TLCD1: variants seen among roughly 807,000 people sequenced by gnomAD.
The protein encoded by TLCD1 is TLC domain containing 1.
Under a neutral mutation model 21.2 loss-of-function variants are expected in TLCD1, and 21 were observed. That is an observed-to-expected ratio of 0.99 (90% CI 0.70 to 1.42). The LOEUF (loss-of-function observed/expected upper bound fraction) is 1.42. Ranked by LOEUF, TLCD1 falls within the 40% of genes most tolerant of loss-of-function variation. The probability of loss-of-function intolerance (pLI) is 0.00; values close to 1 mark genes in which losing one functional copy is unlikely to be tolerated. For synonymous variants in TLCD1, 168 were observed against 134.8 expected (o/e 1.25, Z -1.71); for missense variants, 344 against 330.3 (o/e 1.04, Z -0.32).
Position 28,724,551 on chromosome 17 carries a change from C to T in TLCD1, c.703G>A (p.Val235Ile), listed in dbSNP as rs761017803. 3.7e-6 allele frequency: 6 copies of T among 1,613,952 alleles called. No individual in the cohort carries two copies. In the African/African-American group the frequency reaches 5.3e-5, roughly 14 times the overall value. ...LLRSDFCPEH[V>I]PKKQHKDKFL... ...TTGTCTTTGTGTTGCTTCTTGGGGA[C>T]ATGCTCAGGGCAGAAGTCAGAGCGG... is the stretch of plus-strand genomic sequence containing the variant. Residue 235 changes from valine (V) to isoleucine (I), a missense_variant, in exon 4 of 4, where the codon GTC becomes ATC. By Grantham distance (29) the Val-to-Ile change is conservative (BLOSUM62 3). Coordinates refer to ENST00000292090, the MANE Select transcript of TLCD1 (RefSeq NM_138463.4).
chr17:28,726,290 C>A (rs1365869077), upstream of TLCD1: 2 of 1,150,130 alleles, frequency 1.7e-6, no homozygotes, highest in African/African-American at 3.3e-5. Flanking sequence ...CCCCAGCCGC[C>A]CGCGCCCCCG....
intron 1 of TLCD1, 88 bp from the exon 2 acceptor site, chr17:28,725,651 C>G: frequency 7.0e-7 from 1 of 1,431,518 alleles, no homozygotes; most frequent in Non-Finnish European, 9.8e-7. Flanking sequence ...CCGGGGGATC[C>G]TGGGCTCGCG....
Position 28,724,707 on chromosome 17 carries a change from G to A in TLCD1, c.547C>T (p.Arg183Cys), listed in dbSNP as rs200165093. ...GTGAGGTAGGCCTGAGGGGCCAGGC[G>A]GAAGAGAAAGTACATGACCAGGTTC... ...YVNLVMYFLF[R>C]LAPQAYLTHF... is the part of the protein sequence containing the mutation. Residue 183 changes from arginine (R) to cysteine (C), a missense_variant, in exon 4 of 4, where the codon CGC becomes TGC. By Grantham distance (180) the Arg-to-Cys change is radical. Transcript: ENST00000292090. 39 of 1,614,044 alleles carry A rather than the reference G, an allele frequency of 2.4e-5. No individual in the cohort carries two copies. The highest frequency in any genetic ancestry group is 5.5e-5 in the South Asian group (5 of 91,082).
chr17:28,726,489 C>T (rs1254683666), upstream of TLCD1, among the ~76,000 whole-genome samples: 1 of 152,026 alleles, frequency 6.6e-6, no homozygotes, highest in Non-Finnish European at 1.5e-5. Context: ...CCGACGGAGT[C>T]CCCGCTGCCC....
At chr17:28,726,542 G>A (rs1360873618), upstream of TLCD1, among the ~76,000 whole-genome samples, 1 of 151,838 alleles carries the variant, frequency 6.6e-6, no homozygotes, top group Non-Finnish European at 1.5e-5. Flanking sequence ...ACTTTTCCCC[G>A]GGCCACCGGC....
chr17:28,726,244 T>G, upstream of TLCD1: 8 of 1,288,308 alleles, frequency 6.2e-6, no homozygotes, highest in Non-Finnish European at 7.8e-6. Context: ...GCCCCTTGGC[T>G]CCTCCTCGCC....
In TLCD1 at chr17:28,724,748, C is replaced by G; in HGVS notation, c.506G>C (p.Arg169Pro). The change falls in exon 4 of 4, where the codon CGG (arginine) becomes CCG (proline). Residue 169 changes from arginine to proline, a missense_variant. Arg to Pro is a moderately radical substitution (Grantham distance 103). Coordinates refer to ENST00000292090, the MANE Select transcript of TLCD1 (RefSeq NM_138463.4). ...ISNAQDHLLY[R>P]VNKYVNLVMY... ...GACCAGGTTCACATACTTGTTAACCCGGTAGAGGAGATGATCCTGGGCATT... is the reference window on the plus strand; with the variant it reads ...GACCAGGTTCACATACTTGTTAACCGGGTAGAGGAGATGATCCTGGGCATT... 1 of 1,614,064 alleles carries G rather than the reference C, an allele frequency of 6.2e-7. No homozygotes were observed. The highest frequency in any genetic ancestry group is 8.5e-7 in the Non-Finnish European group (1 of 1,180,026).
At chr17:28,726,711 C>T (rs764416758), upstream of TLCD1, 2 of 1,535,986 alleles carry the variant, frequency 1.3e-6, no homozygotes, top group Non-Finnish European at 8.8e-7. Flanking sequence ...ACCCAGTGCC[C>T]CTACCGCACC....
rs773061634 is a variant in TLCD1, at chr17:28,724,597, T to G, written c.657A>C (p.Ile219=). The G allele has an allele frequency of 3.7e-6, 6 of 1,614,074 alleles. No individual in the cohort carries two copies. The highest frequency in any genetic ancestry group is 3.3e-4 in the Middle Eastern group (2 of 6,062). Residue 219 remains isoleucine, a synonymous_variant, in exon 4 of 4, where the codon ATA becomes ATC. Coordinates refer to ENST00000292090, the MANE Select transcript of TLCD1 (RefSeq NM_138463.4). ...AGCGGAGGAGGCGGGAAAAGTAGAT[T>G]ATGATCATCACGTCCAGCATGAGCA... The part of the protein sequence containing the change: ...GILLMLDVMI[I]IYFSRLLRSD...
chr17:28,726,739 C>T (rs1444203606), upstream of TLCD1: 2 of 1,548,458 alleles, frequency 1.3e-6, no homozygotes, highest in Admixed American at 2.0e-5. Context: ...GTCTTCTGGC[C>T]GGAGTCCCGT....
At chr17:28,725,448 C>G (rs1192226461) in intron 2 of TLCD1, 33 bp downstream of exon 2, 1 of 1,613,998 alleles carries the variant, frequency 6.2e-7, no homozygotes, top group Non-Finnish European at 8.5e-7. Flanking sequence ...TCCCTGTCCC[C>G]AATTTGCCTC....
chr17:28,725,913 G>A lies in TLCD1; in HGVS notation c.185C>T (p.Ala62Val). The stretch of plus-strand genomic sequence containing the variant: ...ACAGTCGCTCACTCACCACAGCAGT[G>A]CCCAGATCCCCGACACAATGGAGTG... ...FAHSIVSGIW[A>V]LLCVWQTPDM... The change falls in exon 1 of 4, where the codon GCA becomes GTA. Residue 62 changes from alanine (A) to valine (V), a missense_variant. Coordinates refer to ENST00000292090, the MANE Select transcript of TLCD1 (RefSeq NM_138463.4). 6.2e-7 allele frequency: 1 copy of A among 1,613,126 alleles called. No homozygotes were observed.
At position 28,725,401 on chromosome 17, in the gene TLCD1, G is replaced by T; in HGVS notation, c.278-15C>A. ...GATGAAATACCCTAGTGGAGGGATG[G>T]GGCAAGAGATCATGAACTGAACAAG... On this transcript the variant is annotated splice_polypyrimidine_tract_variant and intron_variant, in intron 2 of 3. Transcript: ENST00000292090. 6.2e-7 allele frequency: 1 copy of T among 1,614,106 alleles called. No individual in the cohort carries two copies. Among genetic ancestry groups the T allele is most frequent in the Non-Finnish European group, 8.5e-7 (1 of 1,180,016 alleles).
Position 28,724,396 on chromosome 17 carries a change from C to T in TLCD1, c.*114G>A. ...GTTTTCAATAGTGTGGGCGCAGGCT[C>T]AGAAGGTGGAGAGGCTGGCCTCAGA... On this transcript the variant is annotated 3_prime_UTR_variant, in exon 4 of 4. Coordinates refer to ENST00000292090, the MANE Select transcript of TLCD1 (RefSeq NM_138463.4). 7.5e-7 allele frequency: 1 copy of T among 1,329,312 alleles called. No homozygotes were observed. The highest frequency in any genetic ancestry group is 1.4e-5 in the South Asian group (1 of 72,928). The allele number at this position is 1,329,312 out of a possible 1,614,324, so 82.3% of individuals were successfully genotyped here. A position where few individuals can be genotyped will look rare whatever the true frequency, so the allele number is the denominator to read the frequency against.
upstream of TLCD1, chr17:28,727,209 T>G: frequency 8.8e-6 from 2 of 227,474 alleles, no homozygotes; most frequent in Non-Finnish European, 8.9e-6. Context: ...GGAAAGGTGC[T>G]GCGGGCGGGA....
In TLCD1 at chr17:28,724,900, GGAA is replaced by G; in HGVS notation, c.361-10_361-8del. ...AGAAGAAGGCACCCATGGCCTAGAG[GGAA>G]GAAAGAATAGGAGTTAGGGAACCCA... On this transcript the variant is annotated splice_region_variant and splice_polypyrimidine_tract_variant and intron_variant, in intron 3 of 3. Transcript: ENST00000292090. The G allele has an allele frequency of 6.2e-7, 1 of 1,609,658 alleles. No homozygotes were observed. Among genetic ancestry groups the G allele is most frequent in the Non-Finnish European group, 8.5e-7 (1 of 1,178,062 alleles).
At chr17:28,725,000 C>A in intron 3 of TLCD1, 107 bp from the exon 4 acceptor site, 1 of 1,267,040 alleles carries the variant, frequency 7.9e-7, no homozygotes, top group East Asian at 2.5e-5. Context: ...CCAAATTTCC[C>A]CCTGGAATAA....
upstream of TLCD1, among the ~76,000 whole-genome samples, chr17:28,726,540 C>T (rs1265290766): frequency 1.3e-5 from 2 of 152,078 alleles, no homozygotes; most frequent in Non-Finnish European, 2.9e-5. Flanking sequence ...CCACTTTTCC[C>T]CGGGCCACCG....
intron 1 of TLCD1, 45 bp from the exon 2 acceptor site, chr17:28,725,608 G>A: frequency 1.3e-6 from 2 of 1,593,866 alleles, no homozygotes; most frequent in Non-Finnish European, 1.7e-6. Flanking sequence ...GCACCCTCAA[G>A]GACCATCAAC....
Sources: gnomAD v4.1 joint callset for allele counts (sites outside exome capture counted in the v4.1 genomes callset) on GRCh38, gnomAD v4.1.1 for gene constraint, MANE v1.5 for transcripts, NCBI Gene and HGNC (gene_info 2026-07-23, HGNC 2026-07-21) for gene names.